The following SCAPER variants were observed in gnomAD, a reference collection of about 807,000 sequenced individuals.
The protein encoded by SCAPER is S-phase cyclin A associated protein in the ER.
A neutral mutation model predicts 182.2 loss-of-function variants in SCAPER; 98 were observed. That is an observed-to-expected ratio of 0.54 (90% confidence interval 0.46 to 0.64). The LOEUF is 0.64. SCAPER is among the 30% of genes least tolerant of loss of function. The pLI, the probability that SCAPER is intolerant of heterozygous loss-of-function variation, is 0.00. For synonymous variants in SCAPER, 605 were observed against 564.6 expected (o/e 1.07, Z -1.01); for missense variants, 1,432 against 1,690.0 (o/e 0.85, Z 2.68).
rs1369475530 is a variant in SCAPER, at chr15:76,757,013, GCCCCAC to G, written c.1726-3071_1726-3066del. ...ACTCTCTTCTGTAAATATAATTAGT[GCCCCAC>G]CCACTTACCCAAACTTGATCATCTT... On this transcript the variant is annotated intron_variant, in intron 14 of 31. Coordinates refer to ENST00000563290, the MANE Select transcript of SCAPER (RefSeq NM_020843.4). Among the ~76,000 whole-genome samples, 37 of 6,312 alleles carry G rather than the reference GCCCCAC, an allele frequency of 5.9e-3. No homozygotes were observed. In the Non-Finnish European group the frequency reaches 0.093, roughly 16 times the overall value. The allele number at this position is 6,312 out of a possible 152,430, so 4.1% of individuals were successfully genotyped here.
chr15:76,794,640 T>G (rs916477290), intron 8 of SCAPER, among the ~76,000 whole-genome samples: 1 of 152,220 alleles, frequency 6.6e-6, no homozygotes, highest in Non-Finnish European at 1.5e-5. Context: ...TGTCTGAAGT[T>G]CTCTTGAACT....
At chr15:76,778,133 G>T (rs1436148837) in intron 8 of SCAPER, among the ~76,000 whole-genome samples, 3 of 152,148 alleles carry the variant, frequency 2.0e-5, no homozygotes, top group Non-Finnish European at 4.4e-5. Context: ...AAAGTCATAA[G>T]TTGGGACTCA....
intron 25 of SCAPER, among the ~76,000 whole-genome samples, chr15:76,470,288 T>A (rs1443420125): frequency 6.6e-6 from 1 of 152,178 alleles, no homozygotes; most frequent in Non-Finnish European, 1.5e-5. Context: ...AGAAAATAGT[T>A]AAATACAGTT....
chr15:76,696,418 T>C lies in SCAPER; in HGVS notation c.2508+5340A>G, dbSNP rs989152227. The stretch of plus-strand genomic sequence containing the variant: ...GTTGTAAACATCCAATAAATTACAG[T>C]TAATTTAAGATCCTTCATGAAGGTC... On this transcript the variant is annotated intron_variant, in intron 20 of 31. Transcript: ENST00000563290. Among the ~76,000 whole-genome samples the C allele has an allele frequency of 4.6e-5, 7 of 152,212 alleles. No homozygotes were observed. In the South Asian group the frequency reaches 1.4e-3, roughly 32 times the overall value.
At chr15:76,454,106 A>G (rs1198526741) in intron 25 of SCAPER, among the ~76,000 whole-genome samples, 1 of 152,184 alleles carries the variant, frequency 6.6e-6, no homozygotes, top group Non-Finnish European at 1.5e-5. Flanking sequence ...TAGAGCTCTC[A>G]CCACTTAGCA....
At chr15:76,796,299 T>C (rs1249702366) in intron 7 of SCAPER, among the ~76,000 whole-genome samples, 1 of 152,190 alleles carries the variant, frequency 6.6e-6, no homozygotes, top group East Asian at 1.9e-4. Context: ...TTTTTATAGT[T>C]ATCCTGTGTA....
intron 14 of SCAPER, among the ~76,000 whole-genome samples, chr15:76,762,314 C>A (rs2062836607): frequency 6.7e-6 from 1 of 149,642 alleles, no homozygotes; most frequent in Non-Finnish European, 1.5e-5. Flanking sequence ...CTTTGTTCTG[C>A]AGGCTTTTGT....
intron 28 of SCAPER, chr15:76,380,237 T>A (rs1361151826): frequency 6.6e-6 from 1 of 152,118 alleles, no homozygotes; most frequent in African/African-American, 2.4e-5. Flanking sequence ...TATCTCTCAT[T>A]TATATGTGGC....
chr15:76,717,690 C>T (rs955073976), intron 17 of SCAPER, among the ~76,000 whole-genome samples: 3 of 151,822 alleles, frequency 2.0e-5, no homozygotes, highest in Non-Finnish European at 4.4e-5. Context: ...AGCAAATATA[C>T]AAATAATAAA....
At chr15:76,769,929 C>A (rs1286148270) in intron 10 of SCAPER, among the ~76,000 whole-genome samples, 1 of 152,006 alleles carries the variant, frequency 6.6e-6, no homozygotes, top group Admixed American at 6.6e-5. Flanking sequence ...GCACTATTCA[C>A]AATAGTAAAG....
At chr15:76,359,287 G>T (rs1596291662) in intron 29 of SCAPER, among the ~76,000 whole-genome samples, 1 of 151,894 alleles carries the variant, frequency 6.6e-6, no homozygotes, top group Non-Finnish European at 1.5e-5. Flanking sequence ...CCACTGTCTT[G>T]CTGGGACTCA....
intron 17 of SCAPER, among the ~76,000 whole-genome samples, chr15:76,710,468 A>T (rs2059502757): frequency 6.6e-6 from 1 of 152,098 alleles, no homozygotes; most frequent in Admixed American, 6.6e-5. Context: ...ATAAATTAAA[A>T]TCTACTGTAT....
At chr15:76,678,801 T>C (rs1011646835) in intron 20 of SCAPER, among the ~76,000 whole-genome samples, 1 of 152,162 alleles carries the variant, frequency 6.6e-6, no homozygotes, top group Non-Finnish European at 1.5e-5. Flanking sequence ...AGCATCCCCA[T>C]AGATACAGCA....
At chr15:76,774,386 C>T (rs1282738090) in intron 9 of SCAPER, 2 of 392,840 alleles carry the variant, frequency 5.1e-6, no homozygotes, top group South Asian at 1.9e-5. Context: ...CTGAGTAATT[C>T]CACACTGGAT....
intron 25 of SCAPER, among the ~76,000 whole-genome samples, chr15:76,447,142 C>T (rs1317961204): frequency 1.3e-5 from 2 of 152,170 alleles, no homozygotes; most frequent in Non-Finnish European, 2.9e-5. Context: ...TGGAATGAAG[C>T]TTCCATAAAA....
chr15:76,816,439 T>C (rs1164455738), intron 5 of SCAPER, among the ~76,000 whole-genome samples: 3 of 152,116 alleles, frequency 2.0e-5, no homozygotes, highest in African/African-American at 7.2e-5. Flanking sequence ...GATCAGGATC[T>C]TCCACCTCCA....
At chr15:76,779,435 T>A (rs1376447073) in intron 8 of SCAPER, among the ~76,000 whole-genome samples, 1 of 152,124 alleles carries the variant, frequency 6.6e-6, no homozygotes, top group Non-Finnish European at 1.5e-5. Context: ...GCCAATAAAT[T>A]CAATGACATG....
chr15:76,448,338 T>A (rs2048146293), intron 25 of SCAPER, among the ~76,000 whole-genome samples: 1 of 152,152 alleles, frequency 6.6e-6, no homozygotes, highest in Non-Finnish European at 1.5e-5. Context: ...TCTAATTGAC[T>A]GCATATTTAG....
At chr15:76,641,927 A>G (rs2054138553) in intron 21 of SCAPER, among the ~76,000 whole-genome samples, 1 of 152,232 alleles carries the variant, frequency 6.6e-6, no homozygotes, top group African/African-American at 2.4e-5. Flanking sequence ...TGGACACTAA[A>G]GACACAGACA....
Sources: gnomAD v4.1 joint callset for allele counts (sites outside exome capture counted in the v4.1 genomes callset) on GRCh38, gnomAD v4.1.1 for gene constraint, MANE v1.5 for transcripts, NCBI Gene and HGNC (gene_info 2026-07-23, HGNC 2026-07-21) for gene names.